The following SDK1 variants were observed in gnomAD, a reference collection of about 807,000 sequenced individuals.
SDK1 encodes the protein protein sidekick-1.
SDK1 carries 157 observed loss-of-function variants against 245.5 expected under a neutral mutation model. The observed-to-expected ratio is 0.64, with a 90% CI of 0.56 to 0.73. The LOEUF is 0.73. Ranked by LOEUF, SDK1 falls within the 30% of genes least tolerant of loss-of-function variation. The pLI is 0.00. For missense variants in SDK1, 3,583 were observed against 3,002.3 expected (o/e 1.19, Z -4.52); for synonymous variants, 1,647 against 1,278.5 (o/e 1.29, Z -6.15).
In SDK1 at chr7:4,265,861, T is replaced by A; in HGVS notation, c.*477T>A. The stretch of plus-strand genomic sequence containing the variant: ...CTCAACGCAGGACATCCTCGGCGGC[T>A]CCTGGGGTTTGAAGAGCAAACGTTT... On this transcript the variant is annotated 3_prime_UTR_variant, in exon 45 of 45. Coordinates refer to ENST00000404826, the MANE Select transcript of SDK1 (RefSeq NM_152744.4). The A allele has an allele frequency of 1.0e-6, 1 of 988,872 alleles. No homozygotes were observed. The highest frequency in any genetic ancestry group is 1.2e-6 in the Non-Finnish European group (1 of 832,562). The allele number at this position is 988,872 out of a possible 1,614,324, so 61.3% of individuals were successfully genotyped here.
Position 3,691,313 on chromosome 7 carries a change from G to T in SDK1, c.713+49208G>T, listed in dbSNP as rs554994306. On this transcript the variant is annotated intron_variant, in intron 4 of 44. Transcript: ENST00000404826. ...AAAATGTCTTATGTTGATAGGAAGA[G>T]GTCAGGGCTCTTACTCGAAGTACAA... Among the ~76,000 whole-genome samples, 7 of 152,282 alleles carry T rather than the reference G, an allele frequency of 4.6e-5. No individual in the cohort carries two copies. The East Asian group carries it at 1.4e-3, about 29-fold the overall frequency.
rs777981406 is a variant in SDK1 at position 4,178,502 on chromosome 7, C to T, written c.5014C>T (p.Arg1672Cys). 4.6e-5 allele frequency: 75 copies of T among 1,613,116 alleles called. No individual in the cohort carries two copies. The highest frequency in any genetic ancestry group is 5.6e-5 in the Non-Finnish European group (66 of 1,179,272). ...CCCTGCAGATTTAAAGAAGTACCGG[C>T]GCTATGAAGTAATAATGACCGCCTA... is the stretch of plus-strand genomic sequence containing the variant. ...CELTHLKKYR[R>C]YEVIMTAYNI... Residue 1672 changes from arginine (R) to cysteine (C), a missense_variant, in exon 35 of 45, where the codon CGC (arginine) becomes TGC (cysteine). Arg to Cys is a radical substitution (Grantham distance 180, BLOSUM62 -3). Transcript: ENST00000404826.
At chr7:3,336,859 T>C (rs1780214494) in intron 1 of SDK1, among the ~76,000 whole-genome samples, 2 of 152,176 alleles carry the variant, frequency 1.3e-5, no homozygotes, top group Middle Eastern at 3.2e-3. Context: ...CACCCCACTT[T>C]TGTCAGGGTG....
intron 2 of SDK1, among the ~76,000 whole-genome samples, chr7:3,631,095 G>A (rs1782275248): frequency 6.6e-6 from 1 of 152,116 alleles, no homozygotes; most frequent in Admixed American, 6.5e-5. Flanking sequence ...TGCCACGCCT[G>A]GTTAATTTTT....
intron 40 of SDK1, among the ~76,000 whole-genome samples, chr7:4,225,566 T>C (rs1785387756): frequency 6.6e-6 from 1 of 152,184 alleles, no homozygotes; most frequent in South Asian, 2.1e-4. Context: ...GGTTCTCATA[T>C]GCTGCTCCGC....
Position 4,267,314 on chromosome 7 carries a change from C to A in SDK1, c.*1930C>A. The A allele has an allele frequency of 1.3e-6, 1 of 765,864 alleles. No homozygotes were observed. Among genetic ancestry groups the A allele is most frequent in the African/African-American group, 1.9e-5 (1 of 51,724 alleles). The allele number at this position is 765,864 out of a possible 1,614,324, so 47.4% of individuals were successfully genotyped here. On this transcript the variant is annotated 3_prime_UTR_variant, in exon 45 of 45. Coordinates refer to ENST00000404826, the MANE Select transcript of SDK1 (RefSeq NM_152744.4). ...CCTTCCTTCCCTCCCTTCTTTCCCT[C>A]CCTCCCTTCCTCTCTCCCCTATTCC...
At chr7:3,604,246 T>G (rs1781345021) in intron 1 of SDK1, among the ~76,000 whole-genome samples, 1 of 152,236 alleles carries the variant, frequency 6.6e-6, no homozygotes, top group Non-Finnish European at 1.5e-5. Flanking sequence ...TGGAATAGTT[T>G]CAGAAGGATT....
intron 19 of SDK1, among the ~76,000 whole-genome samples, chr7:4,063,615 A>C (rs1185287256): frequency 6.6e-6 from 1 of 151,814 alleles, no homozygotes; most frequent in Non-Finnish European, 1.5e-5. Flanking sequence ...AAAAACAAAA[A>C]ACCCCGTAAA....
rs117892001 is a variant in SDK1 at position 3,726,592 on chromosome 7, G to A, written c.713+84487G>A. 2.8e-3 allele frequency among the ~76,000 whole-genome samples: 431 copies of A among 152,224 alleles called. 1 individual carries two copies. Among genetic ancestry groups the A allele is most frequent in the Non-Finnish European group, 4.3e-3 (293 of 68,012 alleles). ...ATTGTTACTGATTTTATTCTTTGTCGTTGAATCATCTCCAAGGTTATAAGT... is the reference window on the plus strand; with the variant it reads ...ATTGTTACTGATTTTATTCTTTGTCATTGAATCATCTCCAAGGTTATAAGT... On this transcript the variant is annotated intron_variant, in intron 4 of 44. Coordinates refer to ENST00000404826, the MANE Select transcript of SDK1 (RefSeq NM_152744.4).
intron 2 of SDK1, among the ~76,000 whole-genome samples, chr7:3,634,032 G>T (rs970346872): frequency 6.6e-6 from 1 of 151,984 alleles, no homozygotes; most frequent in African/African-American, 2.4e-5. Context: ...CCTCTTCCTG[G>T]GCATCACCAA....
chr7:4,108,186 C>G (rs1465216572), intron 22 of SDK1, among the ~76,000 whole-genome samples: 1 of 152,156 alleles, frequency 6.6e-6, no homozygotes, highest in Non-Finnish European at 1.5e-5. Context: ...GGTCCTTTCC[C>G]TCTTCACAGA....
intron 1 of SDK1, among the ~76,000 whole-genome samples, chr7:3,435,617 G>A (rs1374682686): frequency 2.0e-5 from 3 of 151,832 alleles, no homozygotes; most frequent in Non-Finnish European, 2.9e-5. Context: ...CGCCCGCTTC[G>A]GCCTCCCAAA....
chr7:3,893,342 G>A (rs1026587205), intron 5 of SDK1, among the ~76,000 whole-genome samples: 7 of 152,144 alleles, frequency 4.6e-5, no homozygotes, highest in Admixed American at 3.3e-4. Flanking sequence ...TGGCCGGGGG[G>A]AGGATCCTTA....
At chr7:3,883,772 T>C (rs750299064) in intron 5 of SDK1, among the ~76,000 whole-genome samples, 1 of 144,542 alleles carries the variant, frequency 6.9e-6, no homozygotes, top group Non-Finnish European at 1.5e-5. Flanking sequence ...TTGAATACAG[T>C]CCTTCCTCCA....
At position 3,428,027 on chromosome 7, in the gene SDK1, C is replaced by A. The variant is rs536974696; in HGVS notation, c.298+126143C>A. ...GTGCTGTACTTTCATCTTTGCTGCC[C>A]AATTCCCTCTTTGGATTACCCATTT... On this transcript the variant is annotated intron_variant, in intron 1 of 44. Coordinates refer to ENST00000404826, the MANE Select transcript of SDK1 (RefSeq NM_152744.4). Among the ~76,000 whole-genome samples, 9 of 152,266 alleles carry A rather than the reference C, an allele frequency of 5.9e-5. No homozygotes were observed. In the East Asian group the frequency reaches 9.6e-4, roughly 16 times the overall value.
chr7:3,796,284 G>T (rs1248340961), intron 4 of SDK1, among the ~76,000 whole-genome samples: 1 of 152,238 alleles, frequency 6.6e-6, no homozygotes. Context: ...CGTGTCCACG[G>T]ATGGTCAGAG....
chr7:3,794,493 G>A (rs1048164070), intron 4 of SDK1, among the ~76,000 whole-genome samples: 1 of 152,148 alleles, frequency 6.6e-6, no homozygotes, highest in Non-Finnish European at 1.5e-5. Flanking sequence ...AAGTGACTGG[G>A]TCATGAAGGC....
intron 17 of SDK1, among the ~76,000 whole-genome samples, chr7:4,045,055 T>C (rs1290117998): frequency 1.3e-5 from 2 of 152,136 alleles, no homozygotes; most frequent in Non-Finnish European, 1.5e-5. Context: ...TTCCTTCCCT[T>C]AGTGTCATGC....
chr7:4,065,999 C>T (rs1444267223), intron 19 of SDK1, among the ~76,000 whole-genome samples: 2 of 152,010 alleles, frequency 1.3e-5, no homozygotes, highest in Non-Finnish European at 2.9e-5. Context: ...TTGAATGTGG[C>T]GCCATCCAGC....
Sources: allele counts gnomAD v4.1 joint callset (sites outside exome capture counted in the v4.1 genomes callset), GRCh38; gene constraint gnomAD v4.1.1; transcripts MANE v1.5; gene names NCBI Gene and HGNC (gene_info 2026-07-23, HGNC 2026-07-21).